The following P4HB variants were observed in gnomAD, a reference collection of about 807,000 sequenced individuals.
P4HB encodes prolyl 4-hydroxylase subunit beta.
In P4HB, 20 loss-of-function variants were observed where a neutral mutation model predicts 52.6. The observed-to-expected ratio is 0.38, with a 90% CI of 0.27 to 0.55. The LOEUF is 0.55. Ranked by LOEUF, P4HB falls within the 20% of genes least tolerant of loss-of-function variation. P4HB has a pLI of 0.74. For synonymous variants in P4HB, 296 were observed against 277.9 expected, an observed-to-expected ratio of 1.07 and a Z score of -0.65; for missense variants, 601 against 669.2, an observed-to-expected ratio of 0.90 and a Z score of 1.12.
intron 2 of P4HB, among the ~76,000 whole-genome samples, chr17:81,857,309 G>A (rs898999116): frequency 6.6e-6 from 1 of 151,920 alleles, no homozygotes; most frequent in Non-Finnish European, 1.5e-5. Flanking sequence ...CACCACGCCC[G>A]GCTAATTTTT....
intron 4 of P4HB, among the ~76,000 whole-genome samples, chr17:81,851,741 G>T (rs1372838459): frequency 6.6e-6 from 1 of 152,204 alleles, no homozygotes; most frequent in South Asian, 2.1e-4. Context: ...AGACACTGCC[G>T]CAGCTGTCCC....
chr17:81,859,602 C>G, intron 1 of P4HB: 2 of 576,474 alleles, frequency 3.5e-6, no homozygotes, highest in Admixed American at 3.0e-5. Flanking sequence ...TACCACCAAC[C>G]AACACCAGCC....
At position 81,859,825 on chromosome 17, in the gene P4HB, G is replaced by A. The variant is rs191761068; in HGVS notation, c.146-438C>T. On this transcript the variant is annotated intron_variant, in intron 1 of 10. Coordinates refer to ENST00000331483, the MANE Select transcript of P4HB (RefSeq NM_000918.4). ...TGCACACAGACCCTGAGTTGCTTAG[G>A]GTGAGAATAAGACGATCTGTCAATA... 303 of 225,288 alleles carry A rather than the reference G, an allele frequency of 1.3e-3. 1 individual carries two copies. Among genetic ancestry groups the A allele is most frequent in the African/African-American group, 6.6e-3 (289 of 43,954 alleles). 14.0% of individuals were successfully genotyped at this position (225,288 alleles called of 1,614,324 possible).
At position 81,843,837 on chromosome 17, in the gene P4HB, G is replaced by A. The variant is rs1243688395; in HGVS notation, c.*175C>T. On this transcript the variant is annotated 3_prime_UTR_variant, in exon 11 of 11. Transcript: ENST00000331483. ...CTTTCCAAAAACCGAAAAGCAGAAG[G>A]AAGAGACGGGGGTGAACGGACGGTG... The A allele has an allele frequency of 9.4e-6, 6 of 635,038 alleles. No individual in the cohort carries two copies. Among genetic ancestry groups the A allele is most frequent in the African/African-American group, 9.0e-5 (5 of 55,302 alleles). 39.3% of individuals were successfully genotyped at this position (635,038 alleles called of 1,614,324 possible).
chr17:81,846,042 A>G lies in P4HB; in HGVS notation c.1057-51T>C, dbSNP rs2038730733. ...GGGGCGGCGATGCCTGGGGGACCAC[A>G]GAGCTCCCCAACCCTCACCCTGCCC... is the stretch of plus-strand genomic sequence containing the variant. On this transcript the variant is annotated intron_variant, in intron 7 of 10. Transcript: ENST00000331483. This position sits in a 1 kb window ranked among gnomAD's most constrained non-coding sequence, Gnocchi z 5.7. 1.3e-6 allele frequency: 2 copies of G among 1,538,478 alleles called. No homozygotes were observed. Among genetic ancestry groups the G allele is most frequent in the Non-Finnish European group, 1.8e-6 (2 of 1,141,732 alleles).
At chr17:81,850,006 T>C (rs1262988677) in intron 4 of P4HB, among the ~76,000 whole-genome samples, 1 of 151,252 alleles carries the variant, frequency 6.6e-6, no homozygotes, top group Non-Finnish European at 1.5e-5. Flanking sequence ...TTTTGTATTT[T>C]TAGTAGAGAC....
In P4HB at chr17:81,855,964, G is replaced by A. The variant is rs934251867; in HGVS notation, c.353-378C>T. 2 of 184,734 alleles carry A rather than the reference G, an allele frequency of 1.1e-5. No homozygotes were observed. The highest frequency in any genetic ancestry group is 2.2e-5 in the Non-Finnish European group (2 of 89,274). 11.4% of individuals were successfully genotyped at this position (184,734 alleles called of 1,614,324 possible). On this transcript the variant is annotated intron_variant, in intron 2 of 10. Transcript: ENST00000331483. The surrounding 1 kb of genome is among the most constrained non-coding windows in gnomAD (Gnocchi z 4.3). ...GCTCACTGCAGCCTCCACCCACTGG[G>A]CTCAAGCAATCTTCCCAACCTCAGC...
Position 81,847,641 on chromosome 17 carries a change from C to G in P4HB, c.625-294G>C, listed in dbSNP as rs1434510202. The stretch of plus-strand genomic sequence containing the variant: ...TGAAGTGTGGCCCATCCCCAGGGCC[C>G]CTAGCCTTTTCAGGGCACCCATGTG... On this transcript the variant is annotated intron_variant, in intron 4 of 10. Coordinates refer to ENST00000331483, the MANE Select transcript of P4HB (RefSeq NM_000918.4). 6.5e-6 allele frequency: 3 copies of G among 463,764 alleles called. No homozygotes were observed. In the South Asian group the frequency reaches 7.8e-5, roughly 12 times the overall value. 28.7% of individuals were successfully genotyped at this position (463,764 alleles called of 1,614,324 possible).
In P4HB at chr17:81,846,198, G is replaced by A. The variant is rs1021563222; in HGVS notation, c.1057-207C>T. The stretch of plus-strand genomic sequence containing the variant: ...ATGAGCCCACGCAGGCCGCACCCTC[G>A]CCGGCCAGGAGGTTTCCCTGAGGAG... On this transcript the variant is annotated intron_variant, in intron 7 of 10. Coordinates refer to ENST00000331483, the MANE Select transcript of P4HB (RefSeq NM_000918.4). This position sits in a 1 kb window ranked among gnomAD's most constrained non-coding sequence, Gnocchi z 5.7. Among the ~76,000 whole-genome samples the A allele has an allele frequency of 3.3e-5, 5 of 152,350 alleles. No homozygotes were observed. Among genetic ancestry groups the A allele is most frequent in the Admixed American group, 2.6e-4 (4 of 15,300 alleles).
chr17:81,858,870 A>C (rs1332301376), intron 2 of P4HB: 7 of 351,664 alleles, frequency 2.0e-5, no homozygotes, highest in Non-Finnish European at 3.2e-5. Flanking sequence ...GGGGCAGCAC[A>C]AACAGCCCAT....
In P4HB at chr17:81,846,168, G is replaced by C. The variant is rs1403493430; in HGVS notation, c.1057-177C>G. On this transcript the variant is annotated intron_variant, in intron 7 of 10. Transcript: ENST00000331483. The surrounding 1 kb of genome is among the most constrained non-coding windows in gnomAD (Gnocchi z 5.7). ...AGAGAAGGCTGGGCCAGTGGGCTGG[G>C]CCCAATGAGCCCACGCAGGCCGCAC... Among the ~76,000 whole-genome samples the C allele has an allele frequency of 6.6e-6, 1 of 152,234 alleles. No individual in the cohort carries two copies.
intron 2 of P4HB, among the ~76,000 whole-genome samples, chr17:81,857,086 G>A (rs891965344): frequency 2.0e-5 from 3 of 152,070 alleles, no homozygotes; most frequent in Non-Finnish European, 4.4e-5. Context: ...CCCAGCCCTA[G>A]CTAATTTTTG....
In P4HB at chr17:81,843,860, G is replaced by T; in HGVS notation, c.*152C>A. On this transcript the variant is annotated 3_prime_UTR_variant, in exon 11 of 11. Transcript: ENST00000331483. ...AGGAAGAGACGGGGGTGAACGGACGGTGTGTAGGGGTGAGGTGTCACTTCA... is the reference window on the plus strand; with the variant it reads ...AGGAAGAGACGGGGGTGAACGGACGTTGTGTAGGGGTGAGGTGTCACTTCA... 1.5e-6 allele frequency: 1 copy of T among 683,938 alleles called. No homozygotes were observed. The allele number at this position is 683,938 out of a possible 1,614,324, so 42.4% of individuals were successfully genotyped here. A position where few individuals can be genotyped will look rare whatever the true frequency, so the allele number is the denominator to read the frequency against.
intron 4 of P4HB, among the ~76,000 whole-genome samples, chr17:81,853,721 G>A (rs1328876966): frequency 2.0e-5 from 3 of 152,164 alleles, no homozygotes; most frequent in African/African-American, 7.2e-5. Flanking sequence ...AAACGACACA[G>A]GACAGGAGCT....
At position 81,844,099 on chromosome 17, in the gene P4HB, T is replaced by C. The variant is rs202130597; in HGVS notation, c.1447-7A>G. 6.9e-5 allele frequency: 110 copies of C among 1,602,896 alleles called. No homozygotes were observed. The highest frequency in any genetic ancestry group is 8.4e-5 in the Non-Finnish European group (98 of 1,170,080). ...CTTCCAGGTCCTCGAGATCCTGGGA[T>C]ACAGGAAAAGGGGCGGGGCGGGCAG... On this transcript the variant is annotated splice_region_variant and splice_polypyrimidine_tract_variant and intron_variant, in intron 10 of 10. Transcript: ENST00000331483.
In P4HB at chr17:81,843,613, G is replaced by A; in HGVS notation, c.*399C>T. On this transcript the variant is annotated 3_prime_UTR_variant, in exon 11 of 11. Transcript: ENST00000331483. ...TCTCCGAGGAGGCCTGGCCAAGGTG[G>A]AACAAATACCCTGATGTCGAAAAAT... is the stretch of plus-strand genomic sequence containing the variant. 1 of 459,370 alleles carries A rather than the reference G, an allele frequency of 2.2e-6. No individual in the cohort carries two copies. The highest frequency in any genetic ancestry group is 5.4e-5 in the South Asian group (1 of 18,620). 28.5% of individuals were successfully genotyped at this position (459,370 alleles called of 1,614,324 possible). A position where few individuals can be genotyped will look rare whatever the true frequency, so the allele number is the denominator to read the frequency against.
Position 81,860,442 on chromosome 17 carries a change from G to T in P4HB, c.30C>A (p.Ala10=). 2 of 1,399,416 alleles carry T rather than the reference G, an allele frequency of 1.4e-6. No homozygotes were observed. The highest frequency in any genetic ancestry group is 1.9e-6 in the Non-Finnish European group (2 of 1,072,362). The allele number at this position is 1,399,416 out of a possible 1,614,324, so 86.7% of individuals were successfully genotyped here. A position where few individuals can be genotyped will look rare whatever the true frequency, so the allele number is the denominator to read the frequency against. The change falls in exon 1 of 11, where the codon GCC becomes GCA. Residue 10 remains alanine, a synonymous_variant. Transcript: ENST00000331483. Reference sequence around the variant, plus strand: ...CGTCGGCGCGCACCAGGGCGGCCACGGCCAGGCACAGCAGAGCGCGGCGCA... The same window carrying T: ...CGTCGGCGCGCACCAGGGCGGCCACTGCCAGGCACAGCAGAGCGCGGCGCA... MLRRALLCL[A]VAALVRADAP... is the part of the protein sequence containing the mutation.
rs200334750 is a variant in P4HB at position 81,843,764 on chromosome 17, G to T, written c.*248C>A. 217 of 590,612 alleles carry T rather than the reference G, an allele frequency of 3.7e-4. No homozygotes were observed. The highest frequency in any genetic ancestry group is 3.1e-3 in the African/African-American group (169 of 53,816). The allele number at this position is 590,612 out of a possible 1,614,324, so 36.6% of individuals were successfully genotyped here. A position where few individuals can be genotyped will look rare whatever the true frequency, so the allele number is the denominator to read the frequency against. On this transcript the variant is annotated 3_prime_UTR_variant, in exon 11 of 11. Transcript: ENST00000331483. ...CTCATGTATGAAAAAGTACATCATG[G>T]TTTCAGGAAACAAGCCCCACCAGGG...
At chr17:81,858,509 A>T (rs1367991519) in intron 2 of P4HB, among the ~76,000 whole-genome samples, 1 of 152,176 alleles carries the variant, frequency 6.6e-6, no homozygotes, top group Non-Finnish European at 1.5e-5. Flanking sequence ...AGCATCTGAC[A>T]TGCCACAGAA....
Sources: gnomAD v4.1 joint callset for allele counts (sites outside exome capture counted in the v4.1 genomes callset) on GRCh38, gnomAD v4.1.1 for gene constraint, Gnocchi (gnomAD v3.1) non-coding constraint, MANE v1.5 for transcripts, NCBI Gene and HGNC (gene_info 2026-07-23, HGNC 2026-07-21) for gene names.